The following NREP variants were observed in gnomAD, a reference collection of about 807,000 sequenced individuals.
NREP encodes the protein neuronal regeneration-related protein.
NREP carries 5 observed loss-of-function variants against 8.6 expected under a neutral mutation model. The observed-to-expected ratio is 0.58, with a 90% CI of 0.30 to 1.22. The LOEUF (loss-of-function observed/expected upper bound fraction) is 1.22, where lower values mean the gene tolerates loss of function less well. Ranked by LOEUF, NREP falls within the 50% of genes most tolerant of loss-of-function variation. NREP has a pLI of 0.07. For synonymous variants in NREP, 27 were observed against 28.0 expected (o/e 0.96, Z 0.11); for missense variants, 86 against 82.5 (o/e 1.04, Z -0.17).
intron 2 of NREP, among the ~76,000 whole-genome samples, chr5:111,931,898 C>T (rs940357291): frequency 2.6e-5 from 4 of 151,838 alleles, no homozygotes; most frequent in Non-Finnish European, 5.9e-5. Context: ...ACAGTTGTTC[C>T]AGGGCATTAC....
intron 2 of NREP, among the ~76,000 whole-genome samples, chr5:111,847,225 C>A (rs530328119): frequency 6.6e-6 from 1 of 151,936 alleles, no homozygotes; most frequent in South Asian, 2.1e-4. Flanking sequence ...ACTGGAAGTA[C>A]AAGATCAAGC....
chr5:111,814,201 T>C (rs1481185730), intron 2 of NREP, among the ~76,000 whole-genome samples: 2 of 152,144 alleles, frequency 1.3e-5, no homozygotes, highest in East Asian at 1.9e-4. Context: ...CTTAGATTAT[T>C]TGATATATTT....
At chr5:111,731,123 TA>T (rs1561626258) in intron 3 of NREP, 77 bp from the exon 4 acceptor site, 6 of 1,552,650 alleles carry the variant, frequency 3.9e-6, no homozygotes, top group African/African-American at 2.7e-5. Flanking sequence ...AACCATTTTT[TA>T]AAATTTTGCT....
At chr5:111,859,597 G>A (rs1753500209) in intron 2 of NREP, among the ~76,000 whole-genome samples, 6 of 152,032 alleles carry the variant, frequency 3.9e-5, no homozygotes. Context: ...ATGGGATCTG[G>A]AGTCAGGCAC....
At chr5:111,762,671 CT>C (rs2112864491), upstream of NREP, among the ~76,000 whole-genome samples, 2 of 152,250 alleles carry the variant, frequency 1.3e-5, no homozygotes, top group East Asian at 3.9e-4. Flanking sequence ...AGAAACACAT[CT>C]AACACCAGGG....
intron 2 of NREP, among the ~76,000 whole-genome samples, chr5:111,875,204 G>C (rs376870412): frequency 1.3e-3 from 193 of 152,054 alleles, no homozygotes; most frequent in African/African-American, 4.5e-3. Flanking sequence ...AAGCTTCTTA[G>C]AATTTTATCT....
intron 2 of NREP, 75 bp downstream of exon 2, chr5:111,755,695 A>C: frequency 6.7e-7 from 1 of 1,500,012 alleles, no homozygotes. Flanking sequence ...AGGCGGATGA[A>C]GATGGGTGGT....
At chr5:111,923,033 A>T (rs1442902594) in intron 2 of NREP, among the ~76,000 whole-genome samples, 4 of 152,210 alleles carry the variant, frequency 2.6e-5, no homozygotes, top group Non-Finnish European at 4.4e-5. Context: ...AAGTGAAGAT[A>T]AAAGCCTATT....
intron 2 of NREP, among the ~76,000 whole-genome samples, chr5:111,906,242 G>A (rs2112555986): frequency 6.6e-6 from 1 of 152,098 alleles, no homozygotes; most frequent in Non-Finnish European, 1.5e-5. Flanking sequence ...ATAGAGGCAG[G>A]AATTTTGCAA....
At chr5:111,747,435 A>T (rs1210139947) in intron 2 of NREP, among the ~76,000 whole-genome samples, 2 of 152,236 alleles carry the variant, frequency 1.3e-5, no homozygotes, top group African/African-American at 4.8e-5. Context: ...TATCAAACTC[A>T]ATTCAGCAGG....
chr5:111,794,607 T>C (rs755507500), intron 2 of NREP, among the ~76,000 whole-genome samples: 3 of 152,094 alleles, frequency 2.0e-5, no homozygotes, highest in Non-Finnish European at 4.4e-5. Flanking sequence ...TTCAACTACA[T>C]GACATTCTGG....
chr5:111,887,406 T>C (rs1383256486), intron 2 of NREP, among the ~76,000 whole-genome samples: 1 of 152,178 alleles, frequency 6.6e-6, no homozygotes, highest in East Asian at 1.9e-4. Flanking sequence ...ATATGCAGAA[T>C]TGTTACTTCA....
chr5:111,868,890 G>T (rs944844064), intron 2 of NREP, among the ~76,000 whole-genome samples: 7 of 151,562 alleles, frequency 4.6e-5, no homozygotes, highest in Non-Finnish European at 1.0e-4. Context: ...AAGGAGGGAT[G>T]CTATTCCTAA....
At chr5:111,734,572 C>A in intron 3 of NREP, 1 of 435,394 alleles carries the variant, frequency 2.3e-6, no homozygotes. Context: ...TCAGTTTCTG[C>A]CTGCCAGTAT....
intron 2 of NREP, among the ~76,000 whole-genome samples, chr5:111,798,908 T>C (rs898090960): frequency 1.3e-5 from 2 of 152,206 alleles, no homozygotes; most frequent in African/African-American, 4.8e-5. Flanking sequence ...ATCTTTTTTG[T>C]ATAATAACTT....
chr5:111,737,158 C>A (rs1749200153), intron 2 of NREP, among the ~76,000 whole-genome samples: 1 of 152,186 alleles, frequency 6.6e-6, no homozygotes, highest in Non-Finnish European at 1.5e-5. Context: ...AAGTAATCCA[C>A]CATCTGCCTT....
intron 2 of NREP, among the ~76,000 whole-genome samples, chr5:111,773,577 T>A (rs1751287102): frequency 6.6e-6 from 1 of 152,172 alleles, no homozygotes; most frequent in Non-Finnish European, 1.5e-5. Flanking sequence ...TTTTCAGTTG[T>A]GCAACAAAGA....
intron 2 of NREP, among the ~76,000 whole-genome samples, chr5:111,795,395 T>C (rs1751852381): frequency 6.6e-6 from 1 of 152,212 alleles, no homozygotes; most frequent in African/African-American, 2.4e-5. Context: ...TTGGCCATCA[T>C]TTGGCAAACT....
chr5:111,971,447 G>C (rs943424287), intron 2 of NREP, among the ~76,000 whole-genome samples: 2 of 152,092 alleles, frequency 1.3e-5, no homozygotes, highest in Non-Finnish European at 2.9e-5. Context: ...TGAAGCTGGA[G>C]GCATCACACT....
Sources: allele counts gnomAD v4.1 joint callset (sites outside exome capture counted in the v4.1 genomes callset), GRCh38; gene constraint gnomAD v4.1.1; transcripts MANE v1.5; gene names NCBI Gene and HGNC (gene_info 2026-07-23, HGNC 2026-07-21).